Variants in PRPS1 observed in about 807,000 individuals in gnomAD.
PRPS1 encodes the protein ribose-phosphate pyrophosphokinase 1.
PRPS1 carries 1 observed loss-of-function variant against 16.9 expected under a neutral mutation model. The observed-to-expected ratio is 0.06, with a 90% CI of 0.02 to 0.28. The LOEUF is 0.28. Ranked by LOEUF, PRPS1 falls within the 10% of genes least tolerant of loss-of-function variation. The pLI, the probability that PRPS1 is intolerant of heterozygous loss-of-function variation, is 1.00. For synonymous variants in PRPS1, 70 were observed against 90.2 expected (o/e 0.78, Z 1.27); for missense variants, 47 against 254.0 (o/e 0.19, Z 5.54).
intron 1 of PRPS1, among the ~76,000 whole-genome samples, chrX:107,634,980 C>CAA (rs1403683320): frequency 9.1e-6 from 1 of 109,793 alleles, no homozygotes; most frequent in Admixed American, 9.7e-5. Flanking sequence ...GCTGGGACTA[C>CAA]AGGCGCCCGC....
intron 4 of PRPS1, among the ~76,000 whole-genome samples, chrX:107,644,604 C>T (rs1925648191): frequency 8.9e-6 from 1 of 111,806 alleles, no homozygotes. Flanking sequence ...TGTCTGTCCT[C>T]TACCCAGAAT....
At chrX:107,630,047 T>C (rs1214097422) in intron 1 of PRPS1, 4 of 112,569 alleles carry the variant, frequency 3.6e-5, no homozygotes, top group Non-Finnish European at 7.5e-5. Context: ...TCACCGATAA[T>C]GGACAGCTTC....
intron 1 of PRPS1, among the ~76,000 whole-genome samples, chrX:107,637,950 A>ATT (rs1556299283): frequency 0.013 from 1,280 of 98,301 alleles, 7 homozygotes; most frequent in African/African-American, 0.019. Context: ...ATATATATAT[A>ATT]TTTTTTTGAT....
At chrX:107,644,076 C>T (rs1925635110) in intron 4 of PRPS1, among the ~76,000 whole-genome samples, 1 of 112,392 alleles carries the variant, frequency 8.9e-6, no homozygotes, top group Non-Finnish European at 1.9e-5. Context: ...GCCACTGGGG[C>T]AGCTCACTGT....
intron 1 of PRPS1, among the ~76,000 whole-genome samples, chrX:107,634,335 C>T (rs1259361356): frequency 9.1e-6 from 1 of 109,915 alleles, no homozygotes; most frequent in East Asian, 2.8e-4. Context: ...CTGCCTCAGC[C>T]TCCCGAGTAG....
At chrX:107,642,953 G>A (rs1925609801) in intron 4 of PRPS1, among the ~76,000 whole-genome samples, 1 of 112,236 alleles carries the variant, frequency 8.9e-6, no homozygotes, top group Admixed American at 9.5e-5. Flanking sequence ...TTTATTTAAA[G>A]CCAAGATCTT....
At chrX:107,636,857 C>T (rs1010503590) in intron 1 of PRPS1, among the ~76,000 whole-genome samples, 1 of 112,724 alleles carries the variant, frequency 8.9e-6, no homozygotes, top group African/African-American at 3.2e-5. Flanking sequence ...TAAAAGTGAT[C>T]TTGACAGAAA....
At chrX:107,633,001 AC>A (rs1449842091) in intron 1 of PRPS1, among the ~76,000 whole-genome samples, 1 of 112,201 alleles carries the variant, frequency 8.9e-6, no homozygotes, top group African/African-American at 3.2e-5. Flanking sequence ...AAGTTTCTCT[AC>A]TTTTATTTCA....
intron 6 of PRPS1, among the ~76,000 whole-genome samples, chrX:107,649,091 A>G (rs1310509288): frequency 6.5e-5 from 7 of 107,188 alleles, no homozygotes; most frequent in African/African-American, 2.4e-4. Flanking sequence ...CGAACCTACC[A>G]CCATTTTTTT....
At chrX:107,645,374 G>A (rs369578308) in intron 5 of PRPS1, 24 bp downstream of exon 5, 7 of 1,209,151 alleles carry the variant, frequency 5.8e-6, no homozygotes, top group Non-Finnish European at 7.8e-6. Context: ...GATGGGGCTG[G>A]TAGTTAGAAG....
chrX:107,647,825 C>G, intron 6 of PRPS1, 60 bp downstream of exon 6: 1 of 1,121,732 alleles, frequency 8.9e-7, no homozygotes, highest in Non-Finnish European at 1.2e-6. Flanking sequence ...TGGTTACTTA[C>G]GTTGAATTAG....
intron 3 of PRPS1, among the ~76,000 whole-genome samples, chrX:107,641,670 AT>A (rs1327234888): frequency 1.8e-5 from 2 of 112,039 alleles, no homozygotes; most frequent in Admixed American, 1.9e-4. Context: ...ATGGTCTTAA[AT>A]TTAGAGCCAC....
In PRPS1 at chrX:107,650,284, AGCT is replaced by A. The variant is rs758574318; in HGVS notation, c.*258_*260del. On this transcript the variant is annotated 3_prime_UTR_variant, in exon 7 of 7. Transcript: ENST00000372435. ...GGCCTTGCAGCTTTAACTATAGCTCAGCTGCTGCAAGATTTCAGACTTTTGAGG... is the reference window on the plus strand; with the variant it reads ...GGCCTTGCAGCTTTAACTATAGCTCAGCTGCAAGATTTCAGACTTTTGAGG... 291 of 488,196 alleles carry A rather than the reference AGCT, an allele frequency of 6.0e-4. 1 individual carries two copies. In the South Asian group the frequency reaches 9.4e-3, roughly 16 times the overall value. The allele number at this position is 488,196 out of a possible 1,213,427, so 40.2% of individuals were successfully genotyped here. A position where few individuals can be genotyped will look rare whatever the true frequency, so the allele number is the denominator to read the frequency against.
intron 3 of PRPS1, 113 bp from the exon 4 acceptor site, chrX:107,642,253 C>A: frequency 9.5e-7 from 1 of 1,051,505 alleles, no homozygotes; most frequent in Non-Finnish European, 1.3e-6. Context: ...GCCTTCCCAT[C>A]AGTTTGAATG....
intron 6 of PRPS1, 128 bp from the exon 7 acceptor site, chrX:107,649,812 A>G (rs755074659): frequency 8.7e-5 from 98 of 1,122,541 alleles, no homozygotes; most frequent in Middle Eastern, 2.4e-4. Context: ...GCCTCATGAC[A>G]GGGAAACAGC....
At chrX:107,632,578 A>G (rs1199582347) in intron 1 of PRPS1, among the ~76,000 whole-genome samples, 1 of 112,558 alleles carries the variant, frequency 8.9e-6, no homozygotes, top group African/African-American at 3.2e-5. Context: ...GGCCTCACCA[A>G]AACAGCTGAG....
At chrX:107,629,729 A>G (rs1351931544) in intron 1 of PRPS1, among the ~76,000 whole-genome samples, 1 of 111,755 alleles carries the variant, frequency 8.9e-6, no homozygotes, top group African/African-American at 3.3e-5. Context: ...TACACCCTCT[A>G]CCGGCACCAT....
chrX:107,635,249 T>A (rs1027226010), intron 1 of PRPS1, among the ~76,000 whole-genome samples: 2 of 112,141 alleles, frequency 1.8e-5, no homozygotes, highest in African/African-American at 6.5e-5. Flanking sequence ...TAATCAAACA[T>A]CCTGACTCTG....
chrX:107,640,224 C>A (rs367607000), intron 2 of PRPS1, among the ~76,000 whole-genome samples: 2 of 111,804 alleles, frequency 1.8e-5, no homozygotes, highest in East Asian at 2.8e-4. Context: ...CGCCTGTAGT[C>A]CCAGCTACTC....
Sources: gnomAD v4.1 joint callset for allele counts (sites outside exome capture counted in the v4.1 genomes callset) on GRCh38, gnomAD v4.1.1 for gene constraint, MANE v1.5 for transcripts, NCBI Gene and HGNC (gene_info 2026-07-23, HGNC 2026-07-21) for gene names.